SFI1: variants seen among roughly 807,000 people sequenced by gnomAD.
SFI1 encodes SFI1 centrin binding protein, also known as protein SFI1 homolog.
In SFI1, 195 loss-of-function variants were observed where a neutral mutation model predicts 207.5. The observed-to-expected ratio is 0.94, with a 90% CI of 0.84 to 1.06. The LOEUF is 1.06. Ranked by LOEUF, SFI1 falls within the 50% of genes least tolerant of loss-of-function variation. The pLI is 0.00. For missense variants in SFI1, 1,634 were observed against 1,588.0 expected (o/e 1.03, Z -0.49); for synonymous variants, 630 against 598.9 (o/e 1.05, Z -0.76).
At position 31,616,762 on chromosome 22, in the gene SFI1, T is replaced by C. The variant is rs2071594626; in HGVS notation, c.3318T>C (p.Ala1106=). ...CTTTGCAGGTGTCAGCACAGCGGGC[T>C]ACTCCTAGGGATAAGCCCCCGGTCC... ...AAPARVSAQR[A]TPRDKPPVPS... The change falls in exon 30 of 33, where the codon GCT becomes GCC. Residue 1106 remains alanine (A), a synonymous_variant. Coordinates refer to ENST00000400288, the MANE Select transcript of SFI1 (RefSeq NM_001007467.3). 2 of 1,567,594 alleles carry C rather than the reference T, an allele frequency of 1.3e-6. No individual in the cohort carries two copies. The highest frequency in any genetic ancestry group is 1.7e-6 in the Non-Finnish European group (2 of 1,160,116).
rs2059813471 is a variant in SFI1, at chr22:31,543,751, A to T, written c.339-3110A>T. ...TTTGAACCTAGGAGGCGGAGCTTGCAGTGAGCCAAGATCGCGCCACTGCAC... is the reference window on the plus strand; with the variant it reads ...TTTGAACCTAGGAGGCGGAGCTTGCTGTGAGCCAAGATCGCGCCACTGCAC... On this transcript the variant is annotated intron_variant, in intron 4 of 32. Transcript: ENST00000400288. 2.0e-5 allele frequency among the ~76,000 whole-genome samples: 3 copies of T among 151,418 alleles called. No individual in the cohort carries two copies. In the South Asian group the frequency reaches 6.3e-4, roughly 32 times the overall value.
rs1603336088 is a variant in SFI1, at chr22:31,605,944, C to G, written c.2055-384C>G. ...TCAGACAGGGTGGAATAAGCAAGAA[C>G]TCCCTGAGCTAACTCAGCAGCAAGC... On this transcript the variant is annotated intron_variant, in intron 20 of 32. Coordinates refer to ENST00000400288, the MANE Select transcript of SFI1 (RefSeq NM_001007467.3). The G allele has an allele frequency of 3.2e-5, 7 of 217,822 alleles. No homozygotes were observed. In the South Asian group the frequency reaches 6.2e-4, roughly 19 times the overall value. 13.5% of individuals were successfully genotyped at this position (217,822 alleles called of 1,614,324 possible). A position where few individuals can be genotyped will look rare whatever the true frequency, so the allele number is the denominator to read the frequency against.
intron 15 of SFI1, among the ~76,000 whole-genome samples, chr22:31,597,230 T>C (rs1175661990): frequency 6.6e-6 from 1 of 152,238 alleles, no homozygotes. Context: ...TAAAGGATTT[T>C]TGCTAGGGAG....
At chr22:31,534,770 C>A (rs550501991) in intron 4 of SFI1, among the ~76,000 whole-genome samples, 1 of 151,190 alleles carries the variant, frequency 6.6e-6, no homozygotes, top group Non-Finnish European at 1.5e-5. Flanking sequence ...AGATTGTAAA[C>A]AAGGTTTTTT....
At chr22:31,596,075 A>G (rs1415037265) in intron 15 of SFI1, among the ~76,000 whole-genome samples, 1 of 152,116 alleles carries the variant, frequency 6.6e-6, no homozygotes, top group African/African-American at 2.4e-5. Context: ...CAACATGGTG[A>G]AACCCCATGT....
intron 29 of SFI1, chr22:31,616,501 CTG>C (rs2071483197): frequency 4.6e-6 from 2 of 436,856 alleles, no homozygotes; most frequent in Non-Finnish European, 8.1e-6. Context: ...GTGAGGCGGA[CTG>C]TGGTGACACG....
chr22:31,593,361 C>A (rs1483834514), intron 15 of SFI1, among the ~76,000 whole-genome samples: 1 of 135,934 alleles, frequency 7.4e-6, no homozygotes, highest in South Asian at 2.5e-4. Flanking sequence ...CCAGATGGGA[C>A]GGCGGGGCAG....
intron 12 of SFI1, among the ~76,000 whole-genome samples, chr22:31,582,925 TATA>T (rs2064528084): frequency 6.6e-6 from 1 of 152,150 alleles, no homozygotes; most frequent in Admixed American, 6.6e-5. Context: ...TATTTATTAT[TATA>T]ATAATTATTG....
At position 31,496,641 on chromosome 22, in the gene SFI1, C is replaced by G. The variant is rs1039763650; in HGVS notation, c.-31+4C>G. 3 of 152,302 alleles carry G rather than the reference C, an allele frequency of 2.0e-5. No individual in the cohort carries two copies. The highest frequency in any genetic ancestry group is 2.0e-4 in the Admixed American group (3 of 15,286). The allele number at this position is 152,302 out of a possible 1,614,324, so 9.4% of individuals were successfully genotyped here. A position where few individuals can be genotyped will look rare whatever the true frequency, so the allele number is the denominator to read the frequency against. On this transcript the variant is annotated splice_donor_region_variant and intron_variant, in intron 1 of 32. Coordinates refer to ENST00000400288, the MANE Select transcript of SFI1 (RefSeq NM_001007467.3). ...CCCGATGGCTCGGCTTCCCCAGGTA[C>G]GAGGCCCGGCCCTAACGTCCCCACC...
At position 31,611,191 on chromosome 22, in the gene SFI1, C is replaced by T. The variant is rs2070058698; in HGVS notation, c.2303C>T (p.Ser768Leu). Reference sequence around the variant, plus strand: ...CGCTGGTGGGACTGCAGCCGGAGGTCAGCCCAGCAGAGACTGCAGCTGGAG... The same window carrying T: ...CGCTGGTGGGACTGCAGCCGGAGGTTAGCCCAGCAGAGACTGCAGCTGGAG... Reference protein sequence around the residue: ...FQRWWDCSRRSAQQRLQLERA... With the variant: ...FQRWWDCSRRLAQQRLQLERA... The change falls in exon 23 of 33, where the codon TCA (serine) becomes TTA (leucine). Residue 768 changes from serine to leucine, a missense_variant. Ser to Leu is a moderately radical substitution (Grantham distance 145). Transcript: ENST00000400288. 1 of 1,614,086 alleles carries T rather than the reference C, an allele frequency of 6.2e-7. No individual in the cohort carries two copies. Among genetic ancestry groups the T allele is most frequent in the African/African-American group, 1.3e-5 (1 of 75,058 alleles).
chr22:31,542,975 C>CTTT (rs377269654), intron 4 of SFI1, among the ~76,000 whole-genome samples: 2 of 124,838 alleles, frequency 1.6e-5, no homozygotes, highest in Admixed American at 8.6e-5. Flanking sequence ...TTTTTTTTTT[C>CTTT]TTTTTTTTTT....
intron 20 of SFI1, chr22:31,605,254 C>T (rs914897472): frequency 9.1e-6 from 2 of 219,350 alleles, no homozygotes; most frequent in African/African-American, 4.6e-5. Context: ...TGCAAGGCAC[C>T]TTGTCATCTC....
chr22:31,612,867 G>C, intron 24 of SFI1: 1 of 484,118 alleles, frequency 2.1e-6, no homozygotes, highest in Admixed American at 3.3e-5. Context: ...CTGTTGTCCT[G>C]TTTTCACCAT....
chr22:31,615,289 C>G lies in SFI1; in HGVS notation c.3300+10C>G, dbSNP rs985217683. On this transcript the variant is annotated intron_variant, in intron 29 of 32. Coordinates refer to ENST00000400288, the MANE Select transcript of SFI1 (RefSeq NM_001007467.3). ...GGCTGCACCAGCCAGGGTACGTCCT[C>G]CACCACCAGGCCTGGGCACTGGGGC... 8 of 1,478,054 alleles carry G rather than the reference C, an allele frequency of 5.4e-6. No homozygotes were observed. The African/African-American group carries it at 9.9e-5, about 18-fold the overall frequency. The allele number at this position is 1,478,054 out of a possible 1,614,324, so 91.6% of individuals were successfully genotyped here.
At chr22:31,526,493 C>G (rs1028353718) in intron 2 of SFI1, among the ~76,000 whole-genome samples, 2 of 152,112 alleles carry the variant, frequency 1.3e-5, no homozygotes, top group African/African-American at 4.8e-5. Flanking sequence ...TCCCATGACA[C>G]GTGGGGATTA....
At chr22:31,526,519 C>G (rs2057929235) in intron 2 of SFI1, among the ~76,000 whole-genome samples, 1 of 152,142 alleles carries the variant, frequency 6.6e-6, no homozygotes, top group Non-Finnish European at 1.5e-5. Context: ...GCTACAATTG[C>G]AGATGCGATT....
intron 7 of SFI1, among the ~76,000 whole-genome samples, chr22:31,557,453 T>G (rs2061279342): frequency 6.6e-6 from 1 of 152,106 alleles, no homozygotes; most frequent in Non-Finnish European, 1.5e-5. Context: ...CCTCCCAAAG[T>G]GCTGGGATTA....
At chr22:31,500,657 A>T (rs959837119) in intron 1 of SFI1, among the ~76,000 whole-genome samples, 2 of 152,090 alleles carry the variant, frequency 1.3e-5, no homozygotes, top group Non-Finnish European at 2.9e-5. Flanking sequence ...GGGTTTTGCC[A>T]TGTTGGCCAG....
chr22:31,520,321 G>T (rs1317700905), intron 2 of SFI1, among the ~76,000 whole-genome samples: 3 of 152,024 alleles, frequency 2.0e-5, no homozygotes, highest in Non-Finnish European at 4.4e-5. Context: ...TTACCCAACT[G>T]TGTATCCTTA....
Sources: gnomAD v4.1 joint callset for allele counts (sites outside exome capture counted in the v4.1 genomes callset) on GRCh38, gnomAD v4.1.1 for gene constraint, MANE v1.5 for transcripts, NCBI Gene and HGNC (gene_info 2026-07-23, HGNC 2026-07-21) for gene names.